The following NKAIN3 variants were observed in gnomAD, a reference collection of about 807,000 sequenced individuals.
NKAIN3 encodes the protein sodium/potassium transporting ATPase interacting 3, also known as sodium/potassium-transporting ATPase subunit beta-1-interacting protein 3.
In NKAIN3, 25 loss-of-function variants were observed where a neutral mutation model predicts 30.2. The observed-to-expected ratio is 0.83, with a 90% CI of 0.60 to 1.16. The LOEUF is 1.16. Among genes scored for constraint, NKAIN3 ranks in the 50% most tolerant of loss-of-function variants. NKAIN3 has a pLI of 0.00. For missense variants in NKAIN3, 225 were observed against 254.1 expected (o/e 0.89, Z 0.78); for synonymous variants, 91 against 89.6 (o/e 1.02, Z -0.09).
chr8:62,315,486 C>A (rs896168239), intron 1 of NKAIN3, among the ~76,000 whole-genome samples: 4 of 152,128 alleles, frequency 2.6e-5, no homozygotes, highest in African/African-American at 7.2e-5. Flanking sequence ...CAAGATAAAT[C>A]TTTTTGAAAA....
chr8:62,988,470 A>C (rs1824249489), downstream of NKAIN3, among the ~76,000 whole-genome samples: 1 of 152,252 alleles, frequency 6.6e-6, no homozygotes, highest in South Asian at 2.1e-4. Context: ...GGAGATTCCC[A>C]AACCTCAGTT....
chr8:62,862,409 C>A (rs1285147815), intron 4 of NKAIN3, among the ~76,000 whole-genome samples: 1 of 151,712 alleles, frequency 6.6e-6, no homozygotes, highest in Non-Finnish European at 1.5e-5. Context: ...AACTAAAGTG[C>A]ACTTATATTT....
intron 3 of NKAIN3, among the ~76,000 whole-genome samples, chr8:62,591,924 C>A (rs2130112720): frequency 6.6e-6 from 1 of 152,030 alleles, no homozygotes; most frequent in East Asian, 1.9e-4. Flanking sequence ...GTGTAGGAAA[C>A]TCCTCGTCCA....
chr8:62,752,438 G>A (rs1816312105), intron 4 of NKAIN3, among the ~76,000 whole-genome samples: 1 of 152,144 alleles, frequency 6.6e-6, no homozygotes, highest in East Asian at 1.9e-4. Flanking sequence ...CATAATTCCT[G>A]TGATCTTCAT....
intron 3 of NKAIN3, among the ~76,000 whole-genome samples, chr8:62,699,717 G>C (rs960512937): frequency 2.0e-5 from 3 of 152,136 alleles, no homozygotes; most frequent in African/African-American, 7.2e-5. Context: ...GTTATGATTA[G>C]TCTTGAACTG....
At chr8:62,568,691 G>C (rs1809830186) in intron 1 of NKAIN3, among the ~76,000 whole-genome samples, 1 of 152,076 alleles carries the variant, frequency 6.6e-6, no homozygotes, top group Non-Finnish European at 1.5e-5. Flanking sequence ...AAATAGACTT[G>C]CCGCACAACA....
chr8:62,528,306 T>A (rs1204506839), intron 1 of NKAIN3, among the ~76,000 whole-genome samples: 3 of 51,532 alleles, frequency 5.8e-5, no homozygotes, highest in Admixed American at 1.8e-4. Context: ...TATATTATAT[T>A]ATATATATAT....
In NKAIN3 at chr8:62,853,153, A is replaced by T. The variant is rs546496248; in HGVS notation, c.472-65300A>T. Among the ~76,000 whole-genome samples the T allele has an allele frequency of 4.3e-4, 66 of 152,284 alleles. 1 individual carries two copies. Among genetic ancestry groups the T allele is most frequent in the Admixed American group, 8.5e-4 (13 of 15,296 alleles). ...CTGGGTGCTCCTGTATTTGGTGCAT[A>T]TATATGTAGAATAGTTAGCTCTGCT... On this transcript the variant is annotated intron_variant, in intron 4 of 6. Coordinates refer to ENST00000623646, the MANE Select transcript of NKAIN3 (RefSeq NM_001304533.3).
At position 62,611,310 on chromosome 8, in the gene NKAIN3, A is replaced by T. The variant is rs562466311; in HGVS notation, c.273+21516A>T. On this transcript the variant is annotated intron_variant, in intron 3 of 6. Coordinates refer to ENST00000623646, the MANE Select transcript of NKAIN3 (RefSeq NM_001304533.3). ...TCCTTAAGCATTTATGCTTTGAGTTAAAAAAATCCAATTACATTCTTTATT... is the reference window on the plus strand; with the variant it reads ...TCCTTAAGCATTTATGCTTTGAGTTTAAAAAATCCAATTACATTCTTTATT... Among the ~76,000 whole-genome samples, 11 of 152,238 alleles carry T rather than the reference A, an allele frequency of 7.2e-5. No individual in the cohort carries two copies. In the South Asian group the frequency reaches 1.9e-3, roughly 26 times the overall value.
chr8:62,554,297 C>A (rs778337835), intron 1 of NKAIN3, among the ~76,000 whole-genome samples: 11 of 152,160 alleles, frequency 7.2e-5, no homozygotes, highest in Non-Finnish European at 1.5e-4. Flanking sequence ...TAGTTCTGAA[C>A]TTGAGCTTCA....
At chr8:62,804,916 C>A (rs988343887) in intron 4 of NKAIN3, among the ~76,000 whole-genome samples, 3 of 152,154 alleles carry the variant, frequency 2.0e-5, no homozygotes, top group Admixed American at 6.5e-5. Flanking sequence ...TGTCTCAGCC[C>A]AAAATCTCCT....
In NKAIN3 at chr8:62,500,489, A is replaced by AAGG. The variant is rs1563427552; in HGVS notation, c.55-79049_55-79048insGGA. On this transcript the variant is annotated intron_variant, in intron 1 of 6. Coordinates refer to ENST00000623646, the MANE Select transcript of NKAIN3 (RefSeq NM_001304533.3). ...AGAAAGAAAGAAAGAAAGAAAGAAG[A>AAGG]AAAGAAAGAAAGAAAGAAGGAAAGA... 6.5e-3 allele frequency among the ~76,000 whole-genome samples: 808 copies of AAGG among 124,640 alleles called. 7 individuals are homozygous for AAGG. Among genetic ancestry groups the AAGG allele is most frequent in the Middle Eastern group, 0.016 (4 of 258 alleles). The allele number at this position is 124,640 out of a possible 152,430, so 81.8% of individuals were successfully genotyped here.
chr8:62,454,360 AT>A (rs1436496801), intron 1 of NKAIN3, among the ~76,000 whole-genome samples: 1 of 148,192 alleles, frequency 6.7e-6, no homozygotes, highest in Admixed American at 6.9e-5. Context: ...AAGTTTTTGA[AT>A]TTGTGTTGGG....
rs1350095614 is a variant in NKAIN3, at chr8:62,798,889, C to G, written c.471+51760C>G. Among the ~76,000 whole-genome samples the G allele has an allele frequency of 3.3e-5, 5 of 152,078 alleles. No homozygotes were observed. The East Asian group carries it at 7.7e-4, about 23-fold the overall frequency. Reference sequence around the variant, plus strand: ...AAAACATTGCTACCAGAGGCAGTGTCCTAACCACTAATTAGGATGGAAGAA... The same window carrying G: ...AAAACATTGCTACCAGAGGCAGTGTGCTAACCACTAATTAGGATGGAAGAA... On this transcript the variant is annotated intron_variant, in intron 4 of 6. Transcript: ENST00000623646.
intron 1 of NKAIN3, among the ~76,000 whole-genome samples, chr8:62,350,056 C>T (rs547699126): frequency 1.5e-4 from 23 of 152,314 alleles, no homozygotes; most frequent in Non-Finnish European, 2.9e-4. Flanking sequence ...CTGTGAAAAG[C>T]TGTATGGCAG....
chr8:62,381,440 G>A (rs1817272602), intron 1 of NKAIN3, among the ~76,000 whole-genome samples: 1 of 152,030 alleles, frequency 6.6e-6, no homozygotes, highest in Non-Finnish European at 1.5e-5. Context: ...CGAAAGTCAA[G>A]CTTCTTATCC....
chr8:62,528,330 TATATTATATAA>T (rs1222911473), intron 1 of NKAIN3, among the ~76,000 whole-genome samples: 3 of 30,830 alleles, frequency 9.7e-5, no homozygotes, highest in Admixed American at 8.0e-4. Flanking sequence ...ATATAATATA[TATATTATATAA>T]TATATATATA....
At chr8:62,672,405 T>C (rs1305079925) in intron 3 of NKAIN3, among the ~76,000 whole-genome samples, 2 of 152,204 alleles carry the variant, frequency 1.3e-5, no homozygotes, top group East Asian at 3.8e-4. Flanking sequence ...GACTCTGATG[T>C]AGAACTCAAA....
chr8:62,380,014 A>G (rs1041185455), intron 1 of NKAIN3, among the ~76,000 whole-genome samples: 1 of 152,192 alleles, frequency 6.6e-6, no homozygotes, highest in Non-Finnish European at 1.5e-5. Flanking sequence ...AGGCAATTCA[A>G]TGTATTTAAG....
Sources: allele counts gnomAD v4.1 joint callset (sites outside exome capture counted in the v4.1 genomes callset), GRCh38; gene constraint gnomAD v4.1.1; transcripts MANE v1.5; gene names NCBI Gene and HGNC (gene_info 2026-07-23, HGNC 2026-07-21).